The following TNS1 variants were observed in gnomAD, a reference collection of about 807,000 sequenced individuals.
The protein encoded by TNS1 is tensin-1.
In TNS1, 62 loss-of-function variants were observed where a neutral mutation model predicts 168.6. That is an observed-to-expected ratio of 0.37 (90% CI 0.30 to 0.45). TNS1 has a LOEUF of 0.45. Ranked by LOEUF, TNS1 falls within the 20% of genes least tolerant of loss-of-function variation. TNS1 has a pLI of 1.00. For synonymous variants in TNS1, 934 were observed against 933.2 expected (o/e 1.00, Z -0.02); for missense variants, 2,240 against 2,339.4 (o/e 0.96, Z 0.88).
At position 218,025,565 on chromosome 2, in the gene TNS1, T is replaced by C. The variant is rs377042467; in HGVS notation, c.156+8255A>G. Among the ~76,000 whole-genome samples, 7 of 150,462 alleles carry C rather than the reference T, an allele frequency of 4.7e-5. No homozygotes were observed. The South Asian group carries it at 6.4e-4, about 14-fold the overall frequency. ...AATCTCCTGGCCTGGCTACATACTT[T>C]AAAATCCATTGCTGTGTTTGCTGAG... On this transcript the variant is annotated intron_variant, in intron 1 of 1. Transcript: ENST00000649572.
rs569229320 is a variant in TNS1 at position 218,000,792 on chromosome 2, A to G, written c.33+2048T>C. Among the ~76,000 whole-genome samples, 10 of 152,258 alleles carry G rather than the reference A, an allele frequency of 6.6e-5. No individual in the cohort carries two copies. The East Asian group carries it at 1.9e-3, about 29-fold the overall frequency. The stretch of plus-strand genomic sequence containing the variant: ...GCCATGGGCATCACAGCCAGCCTAG[A>G]AAGGATGGGGACTAGGAGAGGAGAG... On this transcript the variant is annotated intron_variant, in intron 1 of 32. Transcript: ENST00000682258.
At chr2:217,868,010 T>A (rs1468205628) in intron 18 of TNS1, among the ~76,000 whole-genome samples, 1 of 152,274 alleles carries the variant, frequency 6.6e-6, no homozygotes, top group Non-Finnish European at 1.5e-5. Context: ...TCCACTAGAA[T>A]GGAACCGCCG....
At chr2:217,999,949 CTGG>C (rs760855100) in intron 1 of TNS1, among the ~76,000 whole-genome samples, 83 of 152,358 alleles carry the variant, frequency 5.4e-4, no homozygotes, top group Non-Finnish European at 9.6e-4. Flanking sequence ...CAGCCCCTGC[CTGG>C]TGGCTCTTTC....
intron 3 of TNS1, among the ~76,000 whole-genome samples, chr2:217,927,751 G>T (rs1041681920): frequency 6.6e-6 from 1 of 152,142 alleles, no homozygotes; most frequent in Admixed American, 6.5e-5. Context: ...GCACGGGAGG[G>T]TGCCACTACC....
At chr2:217,830,040 G>C in intron 22 of TNS1, 1 of 962,026 alleles carries the variant, frequency 1.0e-6, no homozygotes, top group Non-Finnish European at 1.2e-6. Context: ...AGATGGGAAA[G>C]CTGGGGTGAG....
Position 217,808,649 on chromosome 2 carries a change from G to A in TNS1, c.5296C>T (p.Pro1766Ser). The change falls in exon 31 of 33, where the codon CCT (proline) becomes TCT (serine). Residue 1766 changes from proline to serine, a missense_variant. Physicochemically the swap from Pro to Ser is moderately conservative, Grantham distance 74. Coordinates refer to ENST00000682258, the MANE Select transcript of TNS1 (RefSeq NM_001387777.1). Reference sequence around the variant, plus strand: ...TCACAGAAGGTGACAGTGTTGAGAGGGTAGTGGCGTCTGAAAAAGAGCCTG... The same window carrying A: ...TCACAGAAGGTGACAGTGTTGAGAGAGTAGTGGCGTCTGAAAAAGAGCCTG... Reference protein sequence around the residue: ...QRKLFFRRHYPLNTVTFCDLD... With the variant: ...QRKLFFRRHYSLNTVTFCDLD... The A allele has an allele frequency of 1.2e-6, 2 of 1,614,096 alleles. No individual in the cohort carries two copies. The highest frequency in any genetic ancestry group is 1.1e-5 in the South Asian group (1 of 91,068).
In TNS1 at chr2:217,808,632, G is replaced by A. The variant is rs1939715573; in HGVS notation, c.5313C>T (p.Thr1771=). The change falls in exon 31 of 33, where the codon ACC becomes ACT. Residue 1771 remains threonine (T), a synonymous_variant. Transcript: ENST00000682258. ...FRRHYPLNTV[T]FCDLDPQERK... ...TTTCCTGTGGATCCAGGTCACAGAA[G>A]GTGACAGTGTTGAGAGGGTAGTGGC... The A allele has an allele frequency of 1.2e-6, 2 of 1,614,028 alleles. No individual in the cohort carries two copies. The highest frequency in any genetic ancestry group is 1.1e-5 in the South Asian group (1 of 91,078).
intron 7 of TNS1, among the ~76,000 whole-genome samples, chr2:217,899,698 A>T (rs1048889607): frequency 6.6e-6 from 1 of 152,204 alleles, no homozygotes; most frequent in African/African-American, 2.4e-5. Flanking sequence ...GCTGGATCCC[A>T]GGAAGGACGC....
At chr2:218,010,410 C>T (rs950075160) in exon 1 of TNS1, 1 of 386,010 alleles carries the variant, frequency 2.6e-6, no homozygotes, top group Non-Finnish European at 4.6e-6. Flanking sequence ...CGGCGCGGCC[C>T]GGACTGGGCT....
In TNS1 at chr2:217,961,316, G is replaced by A. The variant is rs923308891; in HGVS notation, c.186+17449C>T. On this transcript the variant is annotated intron_variant, in intron 3 of 32. Coordinates refer to ENST00000682258, the MANE Select transcript of TNS1 (RefSeq NM_001387777.1). ...TAATTCCTGCCTGGGCTCTATGGTT[G>A]ACCCACTTTGGTCTGTCTGTTACCC... Among the ~76,000 whole-genome samples, 6 of 151,488 alleles carry A rather than the reference G, an allele frequency of 4.0e-5. 1 individual carries two copies. The highest frequency in any genetic ancestry group is 3.9e-4 in the Admixed American group (6 of 15,190).
intron 18 of TNS1, among the ~76,000 whole-genome samples, chr2:217,873,106 C>T (rs79564735): frequency 0.068 from 10,346 of 152,094 alleles, 1,184 homozygotes; most frequent in African/African-American, 0.23. Context: ...AATGAGATTA[C>T]GGTGATGGTT....
upstream of TNS1, among the ~76,000 whole-genome samples, chr2:218,007,381 G>A (rs1958667700): frequency 2.0e-5 from 3 of 152,146 alleles, no homozygotes; most frequent in South Asian, 6.2e-4. Flanking sequence ...ACCAGCTCAG[G>A]GTCACACAGC....
rs1231584759 is a variant in TNS1 at position 217,978,816 on chromosome 2, A to AG, written c.149-15dup. ...AGAAGCTGCAGACTGCAAGAGGGCG[A>AG]GACACAGAAAGAAAGTTTTAGCCGC... On this transcript the variant is annotated splice_polypyrimidine_tract_variant and intron_variant, in intron 2 of 32. Transcript: ENST00000682258. 1.4e-6 allele frequency: 1 copy of AG among 702,224 alleles called. No homozygotes were observed. Among genetic ancestry groups the AG allele is most frequent in the Non-Finnish European group, 2.6e-6 (1 of 384,536 alleles). 43.5% of individuals were successfully genotyped at this position (702,224 alleles called of 1,614,324 possible).
At position 217,880,968 on chromosome 2, in the gene TNS1, G is replaced by T. The variant is rs752071725; in HGVS notation, c.1359C>A (p.Asn453Lys). The T allele has an allele frequency of 2.5e-6, 4 of 1,614,104 alleles. No individual in the cohort carries two copies. Among genetic ancestry groups the T allele is most frequent in the Admixed American group, 1.7e-5 (1 of 60,024 alleles). Residue 453 changes from asparagine to lysine, a missense_variant, in exon 18 of 33, where the codon AAC becomes AAA. By Grantham distance (94) the Asn-to-Lys change is moderately conservative (BLOSUM62 0). This residue lies in a region of TNS1 where 2,131 missense variants were observed against 2,171.2 expected (regional missense o/e 0.98). Transcript: ENST00000682258. The surrounding 1 kb of genome is among the most constrained non-coding windows in gnomAD (Gnocchi z 4.2). ...CCCAGCGGATGAGGGGGTCGGAGGT[G>T]TTATAGTCCACAGACACGCTCGGCC... is the stretch of plus-strand genomic sequence containing the variant. The part of the protein sequence containing the change: ...ENGPSVSVDY[N>K]TSDPLIRWDS...
intron 1 of TNS1, chr2:217,992,620 G>A (rs1360484069): frequency 6.6e-6 from 1 of 152,568 alleles, no homozygotes; most frequent in Non-Finnish European, 1.5e-5. Flanking sequence ...GAGGCAAAGA[G>A]GCAAAGGCAT....
intron 16 of TNS1, 38 bp downstream of exon 16, chr2:217,884,997 C>G (rs982191767): frequency 6.8e-6 from 11 of 1,612,314 alleles, no homozygotes; most frequent in Non-Finnish European, 9.3e-6. Context: ...CTCCCTGCCA[C>G]AGGGGTGCCC....
At chr2:217,920,916 A>G (rs557450234) in intron 3 of TNS1, among the ~76,000 whole-genome samples, 1 of 151,692 alleles carries the variant, frequency 6.6e-6, no homozygotes, top group Admixed American at 6.6e-5. Flanking sequence ...TTCCTCTCTG[A>G]TCCAGAGAAG....
rs376517749 is a variant in TNS1, at chr2:218,023,986, C to T, written c.156+9834G>A. Among the ~76,000 whole-genome samples the T allele has an allele frequency of 2.6e-5, 4 of 152,340 alleles. No individual in the cohort carries two copies. In the East Asian group the frequency reaches 7.7e-4, roughly 29 times the overall value. The stretch of plus-strand genomic sequence containing the variant: ...GATGCCCATGAGGACAGAGTGCAGG[C>T]AGGTACCAACCACACTGCCTGCCCA... On this transcript the variant is annotated intron_variant, in intron 1 of 1. Coordinates refer to the TNS1 transcript ENST00000649572.
intron 4 of TNS1, among the ~76,000 whole-genome samples, chr2:217,908,225 C>T (rs182310744): frequency 2.0e-5 from 3 of 152,288 alleles, no homozygotes; most frequent in Admixed American, 6.5e-5. Flanking sequence ...CTCTGGCACC[C>T]TCCTTTCTTC....
Sources: gnomAD v4.1 joint callset for allele counts (sites outside exome capture counted in the v4.1 genomes callset) on GRCh38, gnomAD v4.1.1 for gene constraint, gnomAD v4.1.1 regional missense constraint, Gnocchi (gnomAD v3.1) non-coding constraint, MANE v1.5 for transcripts, NCBI Gene and HGNC (gene_info 2026-07-23, HGNC 2026-07-21) for gene names.